The following TTC28 variants were observed in gnomAD, a reference collection of about 807,000 sequenced individuals.
TTC28 encodes tetratricopeptide repeat domain 28.
TTC28 carries 61 observed loss-of-function variants against 198.0 expected under a neutral mutation model. The ratio of observed to expected loss-of-function variants is 0.31; its 90% CI spans 0.25 to 0.38. The LOEUF (loss-of-function observed/expected upper bound fraction) is 0.38, where lower values mean the gene tolerates loss of function less well. TTC28 is among the 10% of genes least tolerant of loss of function. The pLI is 1.00. For synonymous variants in TTC28, 1,171 were observed against 1,297.8 expected (o/e 0.90, Z 2.10); for missense variants, 2,678 against 3,164.0 (o/e 0.85, Z 3.69).
intron 2 of TTC28, among the ~76,000 whole-genome samples, chr22:28,541,495 A>G (rs192491808): frequency 6.6e-6 from 1 of 152,342 alleles, no homozygotes; most frequent in East Asian, 1.9e-4. Flanking sequence ...ACAAAGCCAA[A>G]CACTTTCTAA....
At chr22:28,286,080 A>G (rs1177713145) in intron 5 of TTC28, among the ~76,000 whole-genome samples, 1 of 152,026 alleles carries the variant, frequency 6.6e-6, no homozygotes, top group Non-Finnish European at 1.5e-5. Context: ...GCTCACCACA[A>G]GCTCCGCCTC....
chr22:28,420,210 A>T (rs1374059213), intron 2 of TTC28, among the ~76,000 whole-genome samples: 3 of 152,240 alleles, frequency 2.0e-5, no homozygotes, highest in Admixed American at 1.3e-4. Context: ...AGTAATAAAC[A>T]CGCCTATTTC....
intron 2 of TTC28, among the ~76,000 whole-genome samples, chr22:28,458,288 A>G (rs1270118147): frequency 6.6e-6 from 1 of 152,238 alleles, no homozygotes; most frequent in Non-Finnish European, 1.5e-5. Context: ...ATAAAATAAA[A>G]CAGATAAAGT....
chr22:28,679,526 C>T, intron 1 of TTC28, 96 bp downstream of exon 1: 1 of 810,804 alleles, frequency 1.2e-6, no homozygotes, highest in Non-Finnish European at 1.8e-6. Flanking sequence ...CGCCTTCCGC[C>T]TCGCAGGCGC....
intron 2 of TTC28, among the ~76,000 whole-genome samples, chr22:28,355,807 A>G (rs577195861): frequency 6.6e-6 from 1 of 152,334 alleles, no homozygotes; most frequent in South Asian, 2.1e-4. Context: ...ATAGTGCTGA[A>G]GGGCAGAAGA....
chr22:28,303,686 G>A (rs1171160306), intron 3 of TTC28: 2 of 152,256 alleles, frequency 1.3e-5, no homozygotes, highest in African/African-American at 4.8e-5. Context: ...TGCAGGTTAT[G>A]AGAGTTTTGT....
chr22:28,099,149 AT>A (rs2146874408), intron 9 of TTC28, 105 bp from the exon 10 acceptor site: 3 of 1,426,172 alleles, frequency 2.1e-6, no homozygotes, highest in Non-Finnish European at 1.9e-6. Context: ...CAACCTAAAT[AT>A]TTTTTACAGA....
At chr22:28,009,226 T>C (rs1938043283) in intron 14 of TTC28, among the ~76,000 whole-genome samples, 1 of 152,200 alleles carries the variant, frequency 6.6e-6, no homozygotes, top group Non-Finnish European at 1.5e-5. Flanking sequence ...CCAAATTAAA[T>C]CACATACTGG....
At chr22:28,230,290 C>G (rs1404630376) in intron 5 of TTC28, among the ~76,000 whole-genome samples, 5 of 152,204 alleles carry the variant, frequency 3.3e-5, no homozygotes, top group African/African-American at 1.2e-4. Flanking sequence ...CCCCTCCCAG[C>G]CAAACCAAGG....
intron 5 of TTC28, among the ~76,000 whole-genome samples, chr22:28,258,004 A>G (rs1224389156): frequency 2.0e-5 from 3 of 151,794 alleles, no homozygotes; most frequent in African/African-American, 7.3e-5. Flanking sequence ...AATTTCCCCT[A>G]AAGAATAAAA....
chr22:28,213,700 C>T (rs1927128667), intron 5 of TTC28, among the ~76,000 whole-genome samples: 2 of 149,824 alleles, frequency 1.3e-5, no homozygotes, highest in East Asian at 2.0e-4. Flanking sequence ...AATGGCCATA[C>T]TGCTCAAGGT....
Position 28,207,241 on chromosome 22 carries a change from A to AG in TTC28, c.934-43643_934-43642insC, listed in dbSNP as rs1459090967. Among the ~76,000 whole-genome samples the AG allele has an allele frequency of 3.8e-4, 50 of 132,816 alleles. 1 individual carries two copies. Among genetic ancestry groups the AG allele is most frequent in the Admixed American group, 3.0e-3 (42 of 13,852 alleles). The allele number at this position is 132,816 out of a possible 152,430, so 87.1% of individuals were successfully genotyped here. On this transcript the variant is annotated intron_variant, in intron 5 of 22. Coordinates refer to ENST00000397906, the MANE Select transcript of TTC28 (RefSeq NM_001145418.2). The stretch of plus-strand genomic sequence containing the variant: ...AGCAGATGGAAAAAAAAAAAAAAGC[A>AG]CAAAAAAAAACAGGCCTTCAATAAA...
rs114411850 is a variant in TTC28, at chr22:28,543,529, A to G, written c.381+86023T>C. 5.3e-3 allele frequency among the ~76,000 whole-genome samples: 807 copies of G among 151,858 alleles called. 3 individuals are homozygous for G. The highest frequency in any genetic ancestry group is 0.019 in the African/African-American group (778 of 41,458). ...AGAAGAATAAAAAGAGAGAAAGAAA[A>G]GAAGAGAGAGAGAGAAGGAGGGAGG... On this transcript the variant is annotated intron_variant, in intron 2 of 22. Coordinates refer to ENST00000397906, the MANE Select transcript of TTC28 (RefSeq NM_001145418.2).
At chr22:28,560,733 C>T (rs1281774746) in intron 2 of TTC28, among the ~76,000 whole-genome samples, 2 of 151,870 alleles carry the variant, frequency 1.3e-5, no homozygotes, top group Non-Finnish European at 2.9e-5. Context: ...CCTAAAATTG[C>T]TACCTCTCCT....
chr22:28,610,135 G>T (rs1191007191), intron 2 of TTC28, among the ~76,000 whole-genome samples: 1 of 152,174 alleles, frequency 6.6e-6, no homozygotes, highest in Admixed American at 6.5e-5. Flanking sequence ...CAAAGCATGT[G>T]GGGGAAGGTG....
chr22:28,676,705 C>T (rs2067117365), intron 1 of TTC28, among the ~76,000 whole-genome samples: 1 of 149,476 alleles, frequency 6.7e-6, no homozygotes, highest in Non-Finnish European at 1.5e-5. Flanking sequence ...ACAAGAAACT[C>T]TATTTTTTTA....
chr22:28,512,979 A>ATTTTTT (rs695729), intron 2 of TTC28, among the ~76,000 whole-genome samples: 27 of 125,884 alleles, frequency 2.1e-4, no homozygotes, highest in African/African-American at 2.4e-4. Flanking sequence ...TTTAACCTGG[A>ATTTTTT]TTTTTTTTTT....
chr22:28,183,070 T>C (rs1213238234), intron 5 of TTC28, among the ~76,000 whole-genome samples: 2 of 150,884 alleles, frequency 1.3e-5, no homozygotes, highest in African/African-American at 2.4e-5. Flanking sequence ...TTTTTTTAAA[T>C]GTTGTAGAGA....
At chr22:28,496,701 A>T (rs2048459472) in intron 2 of TTC28, among the ~76,000 whole-genome samples, 1 of 151,830 alleles carries the variant, frequency 6.6e-6, no homozygotes, top group Admixed American at 6.6e-5. Flanking sequence ...TGCCTTCTCC[A>T]GTCTATTCTC....
Sources: allele counts gnomAD v4.1 joint callset (sites outside exome capture counted in the v4.1 genomes callset), GRCh38; gene constraint gnomAD v4.1.1; transcripts MANE v1.5; gene names NCBI Gene and HGNC (gene_info 2026-07-23, HGNC 2026-07-21).